Variants in RWDD4 observed in about 807,000 individuals in gnomAD.
The protein encoded by RWDD4 is RWD domain-containing protein 4.
A neutral mutation model predicts 30.0 loss-of-function variants in RWDD4; 16 were observed. The observed-to-expected ratio is 0.53, with a 90% CI of 0.36 to 0.81. RWDD4 has a LOEUF of 0.81. Ranked by LOEUF, RWDD4 falls within the 30% of genes least tolerant of loss-of-function variation. The pLI is 0.00. For synonymous variants in RWDD4, 45 were observed against 72.1 expected (o/e 0.62, Z 1.90); for missense variants, 170 against 223.9 (o/e 0.76, Z 1.54).
chr4:183,649,649 T>A (rs555098383), intron 4 of RWDD4, 81 bp from the exon 5 acceptor site: 2 of 679,068 alleles, frequency 2.9e-6, no homozygotes, highest in South Asian at 4.0e-5. Context: ...CTGAAGTGGG[T>A]TGATAATTTT....
At chr4:183,651,477 T>C (rs1734076045) in intron 2 of RWDD4, 150 bp from the exon 3 acceptor site, 2 of 646,184 alleles carry the variant, frequency 3.1e-6, no homozygotes, top group Non-Finnish European at 5.4e-6. Flanking sequence ...AGGCTAGGAC[T>C]GAGCAGGGGT....
At chr4:183,641,556 C>T (rs1325919357) in intron 7 of RWDD4, 88 bp from the exon 8 acceptor site, 7 of 1,025,094 alleles carry the variant, frequency 6.8e-6, no homozygotes, top group African/African-American at 4.8e-5. Context: ...CTATAGGCAA[C>T]GAGGCTTAAG....
chr4:183,648,363 T>C (rs7679973), intron 5 of RWDD4, among the ~76,000 whole-genome samples: 38,888 of 152,126 alleles, frequency 0.26, 6,118 homozygotes, highest in African/African-American at 0.44. Context: ...AGTGTAAATG[T>C]GCAAGTACAC....
chr4:183,651,920 A>G (rs1212655153), intron 2 of RWDD4, among the ~76,000 whole-genome samples: 3 of 152,204 alleles, frequency 2.0e-5, no homozygotes, highest in Admixed American at 2.0e-4. Flanking sequence ...TCTTAAAGAA[A>G]AACTGAAATA....
chr4:183,642,757 G>A (rs1048663197), intron 7 of RWDD4, among the ~76,000 whole-genome samples: 15 of 152,076 alleles, frequency 9.9e-5, no homozygotes, highest in African/African-American at 3.6e-4. Context: ...CGCCAGAGAA[G>A]TTTCATAAGA....
At chr4:183,657,163 T>C (rs1016662115) in intron 1 of RWDD4, among the ~76,000 whole-genome samples, 2 of 152,202 alleles carry the variant, frequency 1.3e-5, no homozygotes, top group South Asian at 2.1e-4. Context: ...GGAAACTTGA[T>C]TGGCACAATG....
At chr4:183,658,721 T>C (rs1011353369) in intron 1 of RWDD4, among the ~76,000 whole-genome samples, 1 of 152,056 alleles carries the variant, frequency 6.6e-6, no homozygotes, top group Non-Finnish European at 1.5e-5. Flanking sequence ...TTTGCAAAAA[T>C]GAAAAATGAG....
rs372554931 is a variant in RWDD4 at position 183,651,141 on chromosome 4, A to C, written c.216-10T>G. Reference sequence around the variant, plus strand: ...CTTTACAGCTGATGATCTACAATGCACAACAAAAATACCTTGCTGAGAGAA... The same window carrying C: ...CTTTACAGCTGATGATCTACAATGCCCAACAAAAATACCTTGCTGAGAGAA... On this transcript the variant is annotated splice_polypyrimidine_tract_variant and intron_variant, in intron 3 of 7. Transcript: ENST00000326397. 5 of 1,613,922 alleles carry C rather than the reference A, an allele frequency of 3.1e-6. No individual in the cohort carries two copies. Among genetic ancestry groups the C allele is most frequent in the Non-Finnish European group, 4.2e-6 (5 of 1,179,990 alleles).
intron 5 of RWDD4, among the ~76,000 whole-genome samples, chr4:183,649,141 T>A (rs1295550420): frequency 6.6e-6 from 1 of 151,376 alleles, no homozygotes; most frequent in Non-Finnish European, 1.5e-5. Context: ...CGGCTGGGCG[T>A]GGTGGCTCAC....
At chr4:183,647,126 T>C (rs559183913) in intron 5 of RWDD4, among the ~76,000 whole-genome samples, 296 of 152,332 alleles carry the variant, frequency 1.9e-3, no homozygotes, top group African/African-American at 6.7e-3. Context: ...TTATAATTCA[T>C]AGTCTGCAAA....
chr4:183,642,840 C>CCT (rs1307618330), intron 7 of RWDD4, among the ~76,000 whole-genome samples: 6 of 149,186 alleles, frequency 4.0e-5, no homozygotes, highest in Non-Finnish European at 8.9e-5. Flanking sequence ...GAGTGGATCA[C>CCT]GAGGTCAGGA....
chr4:183,643,783 T>G (rs1230373151), intron 7 of RWDD4, among the ~76,000 whole-genome samples: 1 of 152,106 alleles, frequency 6.6e-6, no homozygotes, highest in African/African-American at 2.4e-5. Flanking sequence ...CCAGGTGTGG[T>G]GGCAAGCGCC....
chr4:183,644,777 CA>C (rs1040745096), intron 7 of RWDD4, among the ~76,000 whole-genome samples: 128 of 123,188 alleles, frequency 1.0e-3, no homozygotes, highest in Middle Eastern at 4.1e-3. Context: ...GACTCGGCTT[CA>C]AAAAAAAAAA....
chr4:183,643,381 A>G (rs1364329359), intron 7 of RWDD4, among the ~76,000 whole-genome samples: 1 of 128,754 alleles, frequency 7.8e-6, no homozygotes, highest in East Asian at 2.5e-4. Context: ...GCGCCACTGA[A>G]CTCCAGCCTG....
At chr4:183,647,443 G>A (rs141958424) in intron 5 of RWDD4, among the ~76,000 whole-genome samples, 1 of 152,272 alleles carries the variant, frequency 6.6e-6, no homozygotes, top group Non-Finnish European at 1.5e-5. Context: ...CCTGGTTACT[G>A]GTTATAGGGG....
At chr4:183,657,607 T>C (rs1052432605) in intron 1 of RWDD4, among the ~76,000 whole-genome samples, 1 of 152,170 alleles carries the variant, frequency 6.6e-6, no homozygotes, top group African/African-American at 2.4e-5. Context: ...ACTTAAAAGA[T>C]TTCAGTTGAC....
chr4:183,652,795 C>A (rs1734110014), intron 2 of RWDD4, among the ~76,000 whole-genome samples: 1 of 142,144 alleles, frequency 7.0e-6, no homozygotes, highest in African/African-American at 2.9e-5. Context: ...GGCAACAGAG[C>A]AAGACTCCAT....
intron 7 of RWDD4, among the ~76,000 whole-genome samples, chr4:183,645,900 C>G (rs185038723): frequency 6.8e-4 from 103 of 152,134 alleles, no homozygotes; most frequent in African/African-American, 2.4e-3. Flanking sequence ...GTTATCTTTT[C>G]TTTTCTTTTT....
At chr4:183,649,696 A>T in intron 4 of RWDD4, 128 bp from the exon 5 acceptor site, 1 of 496,332 alleles carries the variant, frequency 2.0e-6, no homozygotes, top group Non-Finnish European at 3.6e-6. Context: ...TATTATTATG[A>T]TTCATTTTTA....
Sources: allele counts gnomAD v4.1 joint callset (sites outside exome capture counted in the v4.1 genomes callset), GRCh38; gene constraint gnomAD v4.1.1; transcripts MANE v1.5; gene names NCBI Gene and HGNC (gene_info 2026-07-23, HGNC 2026-07-21).